Variants in BPIFB6 observed in about 807,000 individuals in gnomAD.
BPIFB6 encodes the protein BPI fold containing family B member 6.
In BPIFB6, 47 loss-of-function variants were observed where a neutral mutation model predicts 54.7. The ratio of observed to expected loss-of-function variants is 0.86; its 90% CI spans 0.68 to 1.10. The LOEUF (loss-of-function observed/expected upper bound fraction) is 1.10, where lower values mean the gene tolerates loss of function less well. BPIFB6 is among the 50% of genes least tolerant of loss of function. BPIFB6 has a pLI of 0.00. For synonymous variants in BPIFB6, 255 were observed against 225.9 expected (o/e 1.13, Z -1.16); for missense variants, 603 against 564.1 (o/e 1.07, Z -0.70).
chr20:33,036,348 T>C (rs1979340701), intron 6 of BPIFB6, 97 bp from the exon 7 acceptor site: 1 of 1,018,112 alleles, frequency 9.8e-7, no homozygotes, highest in Non-Finnish European at 1.5e-6. Context: ...TTGAGTCACG[T>C]GGAGGGCCAG....
Position 33,038,932 on chromosome 20 carries a change from C to A in BPIFB6, c.870C>A (p.Thr290=). The A allele has an allele frequency of 6.2e-7, 1 of 1,614,068 alleles. No homozygotes were observed. The highest frequency in any genetic ancestry group is 8.5e-7 in the Non-Finnish European group (1 of 1,180,012). The stretch of plus-strand genomic sequence containing the variant: ...AGATTGGTGAGCTGCCCCCACAAAC[C>A]ACCAAGACCCTGGCTCGCTTCATTC... ...DTMIGELPPQ[T]TKTLARFIPE... Residue 290 remains threonine (T), a synonymous_variant, in exon 9 of 15, where the codon ACC becomes ACA. Transcript: ENST00000349552.
chr20:33,035,348 C>T (rs1256130858), intron 5 of BPIFB6, among the ~76,000 whole-genome samples: 2 of 152,182 alleles, frequency 1.3e-5, no homozygotes, highest in Non-Finnish European at 2.9e-5. Flanking sequence ...AAATGACAGC[C>T]TGCATGCACA....
At chr20:33,033,709 G>A (rs923870623) in intron 2 of BPIFB6, 6 of 449,946 alleles carry the variant, frequency 1.3e-5, no homozygotes, top group Non-Finnish European at 2.7e-5. Flanking sequence ...CAATGTCCAG[G>A]GACATTTTTC....
At position 33,040,112 on chromosome 20, in the gene BPIFB6, C is replaced by T. The variant is rs55975424; in HGVS notation, c.1075-139C>T. ...ACAGGGAGATGGCTGGGTTCAGTTC[C>T]TGAGGATGGGCAGAGAGAAGATCCC... On this transcript the variant is annotated intron_variant, in intron 10 of 14. Coordinates refer to ENST00000349552, the MANE Select transcript of BPIFB6 (RefSeq NM_174897.2). 7,113 of 774,282 alleles carry T rather than the reference C, an allele frequency of 9.2e-3. 337 individuals are homozygous for T. The African/African-American group carries it at 0.11, about 12-fold the overall frequency. The allele number at this position is 774,282 out of a possible 1,614,324, so 48.0% of individuals were successfully genotyped here.
Position 33,038,662 on chromosome 20 carries a change from A to G in BPIFB6, c.847-247A>G, listed in dbSNP as rs58504883. ...ATCACATCTACCCATTCTCCCATCT[A>G]TCTTCCTGCTTTTTCATCCAACAAC... On this transcript the variant is annotated intron_variant, in intron 8 of 14. Transcript: ENST00000349552. 5.4e-3 allele frequency among the ~76,000 whole-genome samples: 829 copies of G among 152,206 alleles called. 5 individuals carry two copies. Among genetic ancestry groups the G allele is most frequent in the African/African-American group, 0.019 (781 of 41,528 alleles).
In BPIFB6 at chr20:33,042,821, G is replaced by T; in HGVS notation, c.1195G>T (p.Glu399Ter). 1 of 1,614,032 alleles carries T rather than the reference G, an allele frequency of 6.2e-7. No homozygotes were observed. The change falls in exon 13 of 15, where the codon GAA becomes TAA. Residue 399 changes from glutamate to a stop codon, truncating the protein, a stop_gained. Coordinates refer to ENST00000349552, the MANE Select transcript of BPIFB6 (RefSeq NM_174897.2). LOFTEE classifies it high-confidence loss of function. ...TTCTCTTTCTTCTTTCCAGGAGAGG[G>T]AATTAACTGGCTTCATCACCAGCTA... ...SSSIGNFNER[E>*]LTGFITSYLE...
chr20:33,032,797 T>G (rs757353853), intron 1 of BPIFB6, among the ~76,000 whole-genome samples, 187 bp from the exon 2 acceptor site: 21 of 152,196 alleles, frequency 1.4e-4, no homozygotes, highest in Non-Finnish European at 2.9e-4. Context: ...CTCGTGCGGC[T>G]CCTACAGCTT....
Position 33,032,983 on chromosome 20 carries a change from G to A in BPIFB6, c.98-1G>A. On this transcript the variant is annotated splice_acceptor_variant, in intron 1 of 14. Coordinates refer to ENST00000349552, the MANE Select transcript of BPIFB6 (RefSeq NM_174897.2). LOFTEE classifies it high-confidence loss of function. Reference sequence around the variant, plus strand: ...TCTCCAACTAAGTGTCTCCACTCCAGAGGTCCAGAGCGCCATGGATGAGAG... The same window carrying A: ...TCTCCAACTAAGTGTCTCCACTCCAAAGGTCCAGAGCGCCATGGATGAGAG... 1 of 1,613,270 alleles carries A rather than the reference G, an allele frequency of 6.2e-7. No individual in the cohort carries two copies. The highest frequency in any genetic ancestry group is 8.5e-7 in the Non-Finnish European group (1 of 1,179,276).
intron 1 of BPIFB6, among the ~76,000 whole-genome samples, chr20:33,032,765 C>A (rs1011344339): frequency 1.3e-5 from 2 of 152,234 alleles, no homozygotes; most frequent in African/African-American, 4.8e-5. Flanking sequence ...CCTTCCCCAG[C>A]TCTTCTCTTC....
Position 33,041,853 on chromosome 20 carries a change from G to T in BPIFB6, c.1143-117G>T, listed in dbSNP as rs940341505. On this transcript the variant is annotated intron_variant, in intron 11 of 14. Coordinates refer to ENST00000349552, the MANE Select transcript of BPIFB6 (RefSeq NM_174897.2). Reference sequence around the variant, plus strand: ...CACCTGGTCTGAAGGCTGTAGAGGGGACTCCTGCATCAGGGAGGCGTTGGG... The same window carrying T: ...CACCTGGTCTGAAGGCTGTAGAGGGTACTCCTGCATCAGGGAGGCGTTGGG... 5.3e-5 allele frequency: 45 copies of T among 844,048 alleles called. No individual in the cohort carries two copies. The African/African-American group carries it at 6.9e-4, about 13-fold the overall frequency. 52.3% of individuals were successfully genotyped at this position (844,048 alleles called of 1,614,324 possible).
intron 10 of BPIFB6, among the ~76,000 whole-genome samples, 167 bp from the exon 11 acceptor site, chr20:33,040,084 G>A (rs1268430884): frequency 3.3e-5 from 5 of 152,204 alleles, no homozygotes; most frequent in South Asian, 2.1e-4. Context: ...CTGGGCTGGC[G>A]CTACAGGGAG....
Position 33,035,263 on chromosome 20 carries a change from C to T in BPIFB6, c.516+119C>T. ...TGACTGATAGTGGCTGGGAAGGGTT[C>T]TGAGACTGTGGCTGGCTCAGTGGAA... On this transcript the variant is annotated intron_variant, in intron 5 of 14. Coordinates refer to ENST00000349552, the MANE Select transcript of BPIFB6 (RefSeq NM_174897.2). 2.8e-6 allele frequency: 3 copies of T among 1,060,104 alleles called. No homozygotes were observed. In the South Asian group the frequency reaches 4.2e-5, roughly 15 times the overall value. The allele number at this position is 1,060,104 out of a possible 1,614,324, so 65.7% of individuals were successfully genotyped here.
intron 4 of BPIFB6, 30 bp from the exon 5 acceptor site, chr20:33,035,051 C>T: frequency 2.5e-6 from 4 of 1,613,122 alleles, no homozygotes; most frequent in Non-Finnish European, 3.4e-6. Context: ...TGCACCTGCC[C>T]ACCTATCCTC....
intron 2 of BPIFB6, chr20:33,033,511 C>T (rs184920661): frequency 5.3e-4 from 240 of 454,094 alleles, no homozygotes; most frequent in African/African-American, 4.2e-3. Flanking sequence ...CTGCCTGAAA[C>T]GATGCACTTG....
chr20:33,035,171 C>A lies in BPIFB6; in HGVS notation c.516+27C>A, dbSNP rs764546323. 8.1e-6 allele frequency: 13 copies of A among 1,610,324 alleles called. No individual in the cohort carries two copies. The African/African-American group carries it at 1.7e-4, about 22-fold the overall frequency. On this transcript the variant is annotated intron_variant, in intron 5 of 14. Transcript: ENST00000349552. ...TGAGTGACCCAGAGAAAGCCTCCAC[C>A]CCTCGTTGCTGGGACTGCTTAGGCC...
At chr20:33,040,201 G>A in intron 10 of BPIFB6, 50 bp from the exon 11 acceptor site, 1 of 1,560,848 alleles carries the variant, frequency 6.4e-7, no homozygotes, top group South Asian at 1.1e-5. Context: ...TGCCAGCCCT[G>A]ATGGTGGGGA....
intron 1 of BPIFB6, among the ~76,000 whole-genome samples, chr20:33,032,269 T>C: frequency 6.6e-6 from 1 of 152,116 alleles, no homozygotes; most frequent in Non-Finnish European, 1.5e-5. Flanking sequence ...GGAAACCGAG[T>C]CACATCCAGG....
Position 33,035,794 on chromosome 20 carries a change from G to T in BPIFB6, c.577+122G>T, listed in dbSNP as rs1979313068. 3.8e-6 allele frequency: 4 copies of T among 1,044,868 alleles called. No homozygotes were observed. In the South Asian group the frequency reaches 4.0e-5, roughly 10 times the overall value. 64.7% of individuals were successfully genotyped at this position (1,044,868 alleles called of 1,614,324 possible). ...CCAGCCTTGGGACTAGAGGAGGCTT[G>T]AGGTCATGATGTTCATCCCCCCACT... is the stretch of plus-strand genomic sequence containing the variant. On this transcript the variant is annotated intron_variant, in intron 6 of 14. Coordinates refer to ENST00000349552, the MANE Select transcript of BPIFB6 (RefSeq NM_174897.2).
At chr20:33,034,654 C>A in intron 3 of BPIFB6, 109 bp from the exon 4 acceptor site, 2 of 1,292,162 alleles carry the variant, frequency 1.5e-6, no homozygotes, top group Non-Finnish European at 2.1e-6. Context: ...TAGGGGTGGT[C>A]TCCTACCCTT....
Sources: allele counts gnomAD v4.1 joint callset (sites outside exome capture counted in the v4.1 genomes callset), GRCh38; gene constraint gnomAD v4.1.1; transcripts MANE v1.5; gene names NCBI Gene and HGNC (gene_info 2026-07-23, HGNC 2026-07-21).